The following GRIN2B variants were observed in gnomAD, a reference collection of about 807,000 sequenced individuals.
GRIN2B encodes glutamate receptor ionotropic, NMDA 2B.
In GRIN2B, 5 loss-of-function variants were observed where a neutral mutation model predicts 114.5. That is an observed-to-expected ratio of 0.04 (90% CI 0.02 to 0.09). The LOEUF (loss-of-function observed/expected upper bound fraction) is 0.09, where lower values mean the gene tolerates loss of function less well. GRIN2B is among the 10% of genes least tolerant of loss of function. The pLI is 1.00. For missense variants in GRIN2B, 1,108 were observed against 1,943.5 expected (o/e 0.57, Z 8.08); for synonymous variants, 787 against 745.1 (o/e 1.06, Z -0.92).
At chr12:13,642,220 A>G (rs1370250763) in intron 5 of GRIN2B, among the ~76,000 whole-genome samples, 1 of 145,570 alleles carries the variant, frequency 6.9e-6, no homozygotes, top group Non-Finnish European at 1.5e-5. Flanking sequence ...AAACAAACAA[A>G]CAAGCTAGCT....
intron 3 of GRIN2B, among the ~76,000 whole-genome samples, chr12:13,827,229 CTT>C (rs57007962): frequency 2.0e-5 from 2 of 98,636 alleles, no homozygotes; most frequent in Non-Finnish European, 3.9e-5. Flanking sequence ...TTGTTGTTTT[CTT>C]TTTTTTTTTT....
intron 4 of GRIN2B, among the ~76,000 whole-genome samples, chr12:13,735,977 T>C (rs1024616810): frequency 6.6e-6 from 1 of 152,056 alleles, no homozygotes; most frequent in Non-Finnish European, 1.5e-5. Flanking sequence ...TGTGTGTCCT[T>C]TACACGGGAT....
intron 3 of GRIN2B, among the ~76,000 whole-genome samples, chr12:13,840,233 A>G (rs1038697035): frequency 1.3e-5 from 2 of 152,174 alleles, no homozygotes; most frequent in Non-Finnish European, 2.9e-5. Flanking sequence ...GATTTTGTTC[A>G]TTCGGTAGGG....
intron 10 of GRIN2B, among the ~76,000 whole-genome samples, chr12:13,599,106 G>C (rs1433508745): frequency 6.6e-6 from 1 of 152,196 alleles, no homozygotes; most frequent in Non-Finnish European, 1.5e-5. Flanking sequence ...AGTGGCACTG[G>C]AGTAAAATAG....
chr12:13,919,485 T>G (rs1206408577), intron 2 of GRIN2B, among the ~76,000 whole-genome samples: 1 of 152,236 alleles, frequency 6.6e-6, no homozygotes. Context: ...ACCTCAACGT[T>G]CTAGAAATAG....
At chr12:13,634,763 A>T (rs941231536) in intron 5 of GRIN2B, among the ~76,000 whole-genome samples, 1 of 152,114 alleles carries the variant, frequency 6.6e-6, no homozygotes, top group Non-Finnish European at 1.5e-5. Context: ...AGGCTGGGGG[A>T]CAGTTTTATT....
intron 4 of GRIN2B, among the ~76,000 whole-genome samples, chr12:13,729,080 T>G (rs151314271): frequency 6.6e-6 from 1 of 152,226 alleles, no homozygotes; most frequent in Non-Finnish European, 1.5e-5. Context: ...GAGAAAGAGA[T>G]GAAGTCAGAG....
At chr12:13,816,803 C>A (rs1393445677) in intron 3 of GRIN2B, among the ~76,000 whole-genome samples, 1 of 152,080 alleles carries the variant, frequency 6.6e-6, no homozygotes, top group Non-Finnish European at 1.5e-5. Context: ...TTTTAAAATT[C>A]AGATGTTTCT....
At position 13,567,236 on chromosome 12, in the gene GRIN2B, C is replaced by T. The variant is rs1555103183; in HGVS notation, c.2387G>A (p.Trp796Ter). Residue 796 changes from tryptophan (W) to a stop codon, truncating the protein, a stop_gained, in exon 13 of 14, where the codon TGG (tryptophan) becomes TAG (stop). Coordinates refer to ENST00000609686, the MANE Select transcript of GRIN2B (RefSeq NM_000834.5). LOFTEE classifies it high-confidence loss of function. ...DGEMEELEALWLTGICHNEKN... is the reference protein window; with the variant it reads ...DGEMEELEAL ...CTCATTGTGACAAATGCCAGTGAGC[C>T]AGAGAGCTTCCAGTTCTTCCATCTC... is the stretch of plus-strand genomic sequence containing the variant. The T allele has an allele frequency of 6.2e-7, 1 of 1,613,888 alleles. No individual in the cohort carries two copies. Among genetic ancestry groups the T allele is most frequent in the Non-Finnish European group, 8.5e-7 (1 of 1,179,860 alleles).
intron 2 of GRIN2B, among the ~76,000 whole-genome samples, chr12:13,949,604 T>C (rs547135564): frequency 1.4e-4 from 22 of 152,174 alleles, no homozygotes; most frequent in Non-Finnish European, 2.6e-4. Context: ...TACACTGCCA[T>C]TAGCCTCTAC....
intron 4 of GRIN2B, among the ~76,000 whole-genome samples, chr12:13,727,994 A>G (rs559973156): frequency 6.6e-6 from 1 of 152,308 alleles, no homozygotes; most frequent in Admixed American, 6.5e-5. Flanking sequence ...TTGTGAGTAA[A>G]GCTTATGTAA....
In GRIN2B at chr12:13,545,365, A is replaced by G. The variant is rs1248452266; in HGVS notation, c.*17418T>C. The G allele has an allele frequency of 2.6e-5, 4 of 152,132 alleles. 1 individual carries two copies. Among genetic ancestry groups the G allele is most frequent in the Non-Finnish European group, 5.9e-5 (4 of 68,030 alleles). The allele number at this position is 152,132 out of a possible 1,614,324, so 9.4% of individuals were successfully genotyped here. On this transcript the variant is annotated 3_prime_UTR_variant, in exon 14 of 14. Coordinates refer to ENST00000609686, the MANE Select transcript of GRIN2B (RefSeq NM_000834.5). ...TTTTTGTCCATTTCCTCTCATCAAC[A>G]TACAAACTTCAAGAGGGTATGGACT...
intron 2 of GRIN2B, among the ~76,000 whole-genome samples, chr12:13,933,887 C>T (rs759975799): frequency 1.3e-5 from 2 of 152,142 alleles, no homozygotes; most frequent in Non-Finnish European, 2.9e-5. Context: ...GGGCTAGAAG[C>T]GGTAAGAGTG....
At chr12:13,810,130 C>A (rs1402637887) in intron 3 of GRIN2B, among the ~76,000 whole-genome samples, 5 of 152,024 alleles carry the variant, frequency 3.3e-5, no homozygotes, top group Non-Finnish European at 7.4e-5. Context: ...TAAATGAAAC[C>A]CCACCACCCC....
At chr12:13,959,491 G>GCTCCA (rs1196542421) in intron 2 of GRIN2B, among the ~76,000 whole-genome samples, 1 of 152,198 alleles carries the variant, frequency 6.6e-6, no homozygotes. Context: ...GGAGGGTGGA[G>GCTCCA]GAGAGGAGGC....
intron 2 of GRIN2B, among the ~76,000 whole-genome samples, chr12:13,896,021 A>C (rs543083367): frequency 2.0e-5 from 3 of 152,330 alleles, no homozygotes; most frequent in African/African-American, 7.2e-5. Context: ...TCCTATATTA[A>C]TCTATACTAT....
intron 4 of GRIN2B, among the ~76,000 whole-genome samples, chr12:13,684,212 T>C (rs1950157029): frequency 6.6e-6 from 1 of 152,136 alleles, no homozygotes; most frequent in African/African-American, 2.4e-5. Context: ...GATGTGCTCA[T>C]ACCTCCATAA....
chr12:13,633,129 G>A (rs761430233), intron 5 of GRIN2B, among the ~76,000 whole-genome samples: 1 of 152,200 alleles, frequency 6.6e-6, no homozygotes, highest in Non-Finnish European at 1.5e-5. Context: ...CAGGTGCTGG[G>A]ATCCTTGACC....
At chr12:13,872,183 T>G (rs554736440) in intron 2 of GRIN2B, among the ~76,000 whole-genome samples, 2 of 151,826 alleles carry the variant, frequency 1.3e-5, no homozygotes, top group East Asian at 3.9e-4. Flanking sequence ...CTTCCACTTA[T>G]GGACATAAAG....
Sources: allele counts gnomAD v4.1 joint callset (sites outside exome capture counted in the v4.1 genomes callset), GRCh38; gene constraint gnomAD v4.1.1; transcripts MANE v1.5; gene names NCBI Gene and HGNC (gene_info 2026-07-23, HGNC 2026-07-21).